Variants in NYAP2 observed in about 807,000 individuals in gnomAD.
The protein encoded by NYAP2 is neuronal tyrosine-phosphorylated phosphoinositide-3-kinase adapter 2.
NYAP2 carries 23 observed loss-of-function variants against 50.4 expected under a neutral mutation model. The observed-to-expected ratio is 0.46, with a 90% CI of 0.33 to 0.65. The LOEUF (loss-of-function observed/expected upper bound fraction) is 0.65, where lower values mean the gene tolerates loss of function less well. NYAP2 is among the 30% of genes least tolerant of loss of function. The pLI is 0.02. For synonymous variants in NYAP2, 394 were observed against 365.2 expected, an observed-to-expected ratio of 1.08 and a Z score of -0.90; for missense variants, 885 against 861.0, an observed-to-expected ratio of 1.03 and a Z score of -0.35.
Position 225,540,937 on chromosome 2 carries a change from A to G in NYAP2, c.523+27265A>G, listed in dbSNP as rs35028860. ...TGAGGGTTCATTTTTTTCCATATCC[A>G]CGCCAGCCTTTGTTATTGCCTGTCT... On this transcript the variant is annotated intron_variant, in intron 4 of 6. Transcript: ENST00000636099. Among the ~76,000 whole-genome samples the G allele has an allele frequency of 2.8e-4, 42 of 151,884 alleles. 2 individuals carry two copies. Among genetic ancestry groups the G allele is most frequent in the Admixed American group, 1.6e-3 (25 of 15,256 alleles).
At chr2:225,643,510 C>T (rs557944085) in intron 6 of NYAP2, among the ~76,000 whole-genome samples, 28 of 151,560 alleles carry the variant, frequency 1.8e-4, no homozygotes, top group African/African-American at 3.1e-4. Flanking sequence ...TAGTTACATA[C>T]GTATACATAT....
At chr2:225,405,834 G>A (rs181198470) in intron 2 of NYAP2, among the ~76,000 whole-genome samples, 2 of 152,052 alleles carry the variant, frequency 1.3e-5, no homozygotes, top group Non-Finnish European at 2.9e-5. Context: ...TTGATTGGGG[G>A]AAGAATGTAT....
chr2:225,655,929 T>TACACACACACACACAC (rs1693817634), downstream of NYAP2, among the ~76,000 whole-genome samples: 6 of 62,264 alleles, frequency 9.6e-5, no homozygotes, highest in African/African-American at 3.1e-4. Flanking sequence ...CACACACACA[T>TACACACACACACACAC]ACACACATAC....
chr2:225,579,169 T>C (rs544026093), intron 4 of NYAP2, among the ~76,000 whole-genome samples: 198 of 151,604 alleles, frequency 1.3e-3, no homozygotes, highest in Middle Eastern at 6.8e-3. Context: ...GGTCCTACCC[T>C]CATGACCTCA....
intron 3 of NYAP2, among the ~76,000 whole-genome samples, chr2:225,512,819 T>TC (rs1690847317): frequency 1.4e-4 from 10 of 71,400 alleles, no homozygotes; most frequent in Admixed American, 7.5e-4. Context: ...TTTTCTTTCT[T>TC]TCTCTCTCTC....
chr2:225,678,483 C>A, the NYAP2 span, among the ~76,000 whole-genome samples: 285 of 152,040 alleles, frequency 1.9e-3, no homozygotes, highest in African/African-American at 6.6e-3. Context: ...TGATCTTTTT[C>A]TAGTTCCTCT....
At chr2:225,614,494 A>G (rs1471078469) in intron 5 of NYAP2, among the ~76,000 whole-genome samples, 1 of 152,200 alleles carries the variant, frequency 6.6e-6, no homozygotes, top group Non-Finnish European at 1.5e-5. Context: ...TACTAAAGCC[A>G]GAGGATTTAA....
At chr2:225,440,161 C>T (rs1689447065) in intron 3 of NYAP2, among the ~76,000 whole-genome samples, 1 of 152,204 alleles carries the variant, frequency 6.6e-6, no homozygotes, top group Non-Finnish European at 1.5e-5. Flanking sequence ...CAGAGCAAAA[C>T]CTTATCAAAC....
intron 4 of NYAP2, among the ~76,000 whole-genome samples, chr2:225,557,278 T>C (rs1691793719): frequency 6.6e-6 from 1 of 152,192 alleles, no homozygotes; most frequent in Admixed American, 6.5e-5. Context: ...TCCATCCATC[T>C]ATCAATCCAT....
Position 225,582,449 on chromosome 2 carries a change from G to T in NYAP2, c.1032G>T (p.Val344=). Reference sequence around the variant, plus strand: ...TGCTGGTATTTCCCCCCGCCCCCGTGCATTGCTCCCCCAACTCCGACGAGT... The same window carrying T: ...TGCTGGTATTTCCCCCCGCCCCCGTTCATTGCTCCCCCAACTCCGACGAGT... The change falls in exon 5 of 7, where the codon GTG becomes GTT. Residue 344 remains valine (V), a synonymous_variant. Coordinates refer to ENST00000636099, the Ensembl canonical transcript of NYAP2. The surrounding 1 kb of genome is among the most constrained non-coding windows in gnomAD (Gnocchi z 7.0). 2.8e-6 allele frequency: 4 copies of T among 1,448,864 alleles called. No individual in the cohort carries two copies. The highest frequency in any genetic ancestry group is 3.7e-6 in the Non-Finnish European group (4 of 1,086,504). 89.8% of individuals were successfully genotyped at this position (1,448,864 alleles called of 1,614,324 possible).
Position 225,582,803 on chromosome 2 carries a change from G to A in NYAP2, c.1386G>A (p.Ser462=), listed in dbSNP as rs755401706. 1.8e-5 allele frequency: 29 copies of A among 1,613,690 alleles called. No individual in the cohort carries two copies. Among genetic ancestry groups the A allele is most frequent in the Non-Finnish European group, 2.3e-5 (27 of 1,179,880 alleles). Residue 462 remains serine (S), a synonymous_variant, in exon 5 of 7, where the codon TCG becomes TCA. Coordinates refer to ENST00000636099, the Ensembl canonical transcript of NYAP2. The surrounding 1 kb of genome is among the most constrained non-coding windows in gnomAD (Gnocchi z 7.0). ...CTCCCCCTTACGACGCTGTGCATTC[G>A]GGCAGCCTCTCAAGGAGCTCTCCTT... is the stretch of plus-strand genomic sequence containing the variant.
At chr2:225,613,760 A>C (rs1287472258) in intron 5 of NYAP2, among the ~76,000 whole-genome samples, 1 of 152,146 alleles carries the variant, frequency 6.6e-6, no homozygotes, top group Non-Finnish European at 1.5e-5. Context: ...AACATTAAAA[A>C]CAAATCATTA....
intron 4 of NYAP2, among the ~76,000 whole-genome samples, chr2:225,517,881 A>G (rs1379589758): frequency 6.6e-6 from 1 of 152,184 alleles, no homozygotes; most frequent in Non-Finnish European, 1.5e-5. Flanking sequence ...CTTATACACT[A>G]TTGATAGACA....
intron 5 of NYAP2, among the ~76,000 whole-genome samples, chr2:225,603,668 T>G (rs1162103057): frequency 1.3e-5 from 2 of 152,272 alleles, no homozygotes; most frequent in Non-Finnish European, 2.9e-5. Flanking sequence ...CAATGATTTT[T>G]TTGGGTTCTG....
chr2:225,580,187 C>T (rs952519258), intron 4 of NYAP2, among the ~76,000 whole-genome samples: 2 of 152,164 alleles, frequency 1.3e-5, no homozygotes, highest in Non-Finnish European at 2.9e-5. Context: ...TCTTCCAAGT[C>T]CTGACCAAAA....
At chr2:225,622,980 C>G (rs934375562) in intron 5 of NYAP2, among the ~76,000 whole-genome samples, 1 of 152,190 alleles carries the variant, frequency 6.6e-6, no homozygotes, top group Non-Finnish European at 1.5e-5. Context: ...TTTGGATCAG[C>G]TTTACCATCT....
chr2:225,551,817 C>T (rs541452099), intron 4 of NYAP2, among the ~76,000 whole-genome samples: 4 of 151,998 alleles, frequency 2.6e-5, no homozygotes, highest in Non-Finnish European at 5.9e-5. Context: ...GCATTAATTG[C>T]TTTTCTTTTT....
At position 225,543,484 on chromosome 2, in the gene NYAP2, A is replaced by G. The variant is rs1250928338; in HGVS notation, c.523+29812A>G. 2.6e-5 allele frequency among the ~76,000 whole-genome samples: 4 copies of G among 151,786 alleles called. No homozygotes were observed. In the East Asian group the frequency reaches 7.7e-4, roughly 29 times the overall value. On this transcript the variant is annotated intron_variant, in intron 4 of 6. Transcript: ENST00000636099. ...TTCATTTGTTTTAAGAAATTTTCCA[A>G]TTTTCTTCTTAATTTCTTCTTGGAC... is the stretch of plus-strand genomic sequence containing the variant.
chr2:225,557,234 C>T (rs2106213430), intron 4 of NYAP2, among the ~76,000 whole-genome samples: 1 of 152,192 alleles, frequency 6.6e-6, no homozygotes, highest in South Asian at 2.1e-4. Flanking sequence ...GATTTGTTTA[C>T]CTTCTGGACA....
Sources: allele counts gnomAD v4.1 joint callset (sites outside exome capture counted in the v4.1 genomes callset), GRCh38; gene constraint gnomAD v4.1.1; non-coding constraint Gnocchi (gnomAD v3.1); transcripts MANE v1.5; gene names NCBI Gene and HGNC (gene_info 2026-07-23, HGNC 2026-07-21).